RHOC: variants seen among roughly 807,000 people sequenced by gnomAD.
RHOC encodes the protein ras homolog family member C.
RHOC carries 13 observed loss-of-function variants against 19.5 expected under a neutral mutation model. That is an observed-to-expected ratio of 0.67 (90% CI 0.43 to 1.06). The LOEUF (loss-of-function observed/expected upper bound fraction) is 1.06, where lower values mean the gene tolerates loss of function less well. RHOC is among the 50% of genes least tolerant of loss of function. The probability of loss-of-function intolerance (pLI) is 0.00; values close to 1 mark genes in which losing one functional copy is unlikely to be tolerated. For missense variants in RHOC, 173 were observed against 256.9 expected, an observed-to-expected ratio of 0.67 and a Z score of 2.23; for synonymous variants, 106 against 97.3, an observed-to-expected ratio of 1.09 and a Z score of -0.52.
At chr1:112,703,460 G>T in intron 3 of RHOC, 184 bp downstream of exon 3, 1 of 737,220 alleles carries the variant, frequency 1.4e-6, no homozygotes, top group Non-Finnish European at 2.4e-6. Flanking sequence ...GAGCCAGTCT[G>T]TGGGAGAACC....
intron 1 of RHOC, among the ~76,000 whole-genome samples, chr1:112,706,487 CACACACACACACA>C (rs1674883149): frequency 2.0e-4 from 5 of 25,192 alleles, no homozygotes; most frequent in African/African-American, 4.5e-4. Context: ...CACACACACA[CACACACACACACA>C]CACACACACA....
At chr1:112,703,615 T>C in intron 3 of RHOC, 29 bp downstream of exon 3, 1 of 1,077,428 alleles carries the variant, frequency 9.3e-7, no homozygotes, top group Non-Finnish European at 1.3e-6. Context: ...GGTCTCAGGG[T>C]GGGGTGGGAA....
Position 112,703,055 on chromosome 1 carries a change from T to C in RHOC, c.221A>G (p.Tyr74Cys). ...CATGAGGATGACATCAGTGTCCGGGTAGGAGAGAGGCCGCAGTCGATCATA... is the reference window on the plus strand; with the variant it reads ...CATGAGGATGACATCAGTGTCCGGGCAGGAGAGAGGCCGCAGTCGATCATA... ...EDYDRLRPLS[Y>C]PDTDVILMCF... Residue 74 changes from tyrosine (Y) to cysteine (C), a missense_variant, in exon 4 of 6, where the codon TAC becomes TGC. Physicochemically the swap from Tyr to Cys is radical, Grantham distance 194 (BLOSUM62 -2). Coordinates refer to ENST00000339083, the MANE Select transcript of RHOC (RefSeq NM_175744.5). The C allele has an allele frequency of 6.2e-7, 1 of 1,614,074 alleles. No homozygotes were observed. The highest frequency in any genetic ancestry group is 8.5e-7 in the Non-Finnish European group (1 of 1,180,004).
intron 3 of RHOC, chr1:112,703,405 G>C (rs1022064100): frequency 7.0e-6 from 5 of 716,098 alleles, no homozygotes; most frequent in African/African-American, 5.2e-5. Flanking sequence ...TTTTGCAGGT[G>C]GGGGAGCTTA....
At chr1:112,706,764 C>T (rs1168533842) in intron 1 of RHOC, 1 of 152,096 alleles carries the variant, frequency 6.6e-6, no homozygotes, top group Non-Finnish European at 1.5e-5. Context: ...TTGAAGTTCC[C>T]TCGCCCCTCG....
chr1:112,706,433 A>ACACACACACACACACACACACACACACAC lies in RHOC; in HGVS notation c.-77+616_-77+644dup, dbSNP rs1557780417. On this transcript the variant is annotated intron_variant, in intron 1 of 5. Coordinates refer to ENST00000339083, the MANE Select transcript of RHOC (RefSeq NM_175744.5). ...TTTCTCTCTCTCTCTCTCTCTCTAC[A>ACACACACACACACACACACACACACACAC]CACACACACACACACACACACACAC... Among the ~76,000 whole-genome samples, 10 of 26,062 alleles carry ACACACACACACACACACACACACACACAC rather than the reference A, an allele frequency of 3.8e-4. 2 individuals carry two copies. The highest frequency in any genetic ancestry group is 1.3e-3 in the African/African-American group (10 of 7,440). The allele number at this position is 26,062 out of a possible 152,430, so 17.1% of individuals were successfully genotyped here. A position where few individuals can be genotyped will look rare whatever the true frequency, so the allele number is the denominator to read the frequency against.
rs749634907 is a variant in RHOC at position 112,701,468 on chromosome 1, G to C, written c.*72C>G. On this transcript the variant is annotated 3_prime_UTR_variant, in exon 6 of 6. Coordinates refer to ENST00000339083, the MANE Select transcript of RHOC (RefSeq NM_175744.5). ...GCCTTCAGCATGGAGCCCTCAGGAGGCTGGGGTTGTAGGGGGATAATTTCT... is the reference window on the plus strand; with the variant it reads ...GCCTTCAGCATGGAGCCCTCAGGAGCCTGGGGTTGTAGGGGGATAATTTCT... The C allele has an allele frequency of 1.2e-6, 2 of 1,613,806 alleles. No homozygotes were observed. Among genetic ancestry groups the C allele is most frequent in the East Asian group, 2.2e-5 (1 of 44,864 alleles).
chr1:112,705,050 C>T (rs1241816490), intron 2 of RHOC, 50 bp downstream of exon 2: 1 of 702,422 alleles, frequency 1.4e-6, no homozygotes, highest in Non-Finnish European at 2.6e-6. Flanking sequence ...CAGTTCATCA[C>T]ACCTTCGCAG....
chr1:112,701,518 T>C lies in RHOC; in HGVS notation c.*22A>G, dbSNP rs1174148638. 1.2e-6 allele frequency: 2 copies of C among 1,614,062 alleles called. No individual in the cohort carries two copies. The highest frequency in any genetic ancestry group is 1.7e-6 in the Non-Finnish European group (2 of 1,179,970). ...TGTACCCCTGTGAAGGGAGGGGGCA[T>C]GTAGGAAAGGCCTTGGGGATCTCAG... On this transcript the variant is annotated 3_prime_UTR_variant, in exon 6 of 6. Coordinates refer to ENST00000339083, the MANE Select transcript of RHOC (RefSeq NM_175744.5).
In RHOC at chr1:112,703,802, T is replaced by TG. The variant is rs868187294; in HGVS notation, c.-4dup. On this transcript the variant is annotated 5_prime_UTR_variant, in exon 3 of 6. Transcript: ENST00000339083. Reference sequence around the variant, plus strand: ...AGCTTCTTTCGGATTGCAGCCATGGTGGGGCTGCCAGGAAAGACGTATTGG... The same window carrying TG: ...AGCTTCTTTCGGATTGCAGCCATGGTGGGGGCTGCCAGGAAAGACGTATTGG... 14 of 1,609,350 alleles carry TG rather than the reference T, an allele frequency of 8.7e-6. No individual in the cohort carries two copies. Among genetic ancestry groups the TG allele is most frequent in the African/African-American group, 1.3e-5 (1 of 74,898 alleles).
intron 3 of RHOC, chr1:112,703,328 T>C: frequency 4.3e-6 from 3 of 704,352 alleles, no homozygotes; most frequent in Non-Finnish European, 7.5e-6. Flanking sequence ...GAGTTGCCAC[T>C]GTGAGCACCA....
At chr1:112,705,043 TTCA>T (rs1674791179) in intron 2 of RHOC, 54 bp downstream of exon 2, 3 of 701,800 alleles carry the variant, frequency 4.3e-6, no homozygotes, top group South Asian at 3.0e-5. Context: ...ATCTGCACAG[TTCA>T]TCACACCTTC....
chr1:112,703,728 G>A lies in RHOC; in HGVS notation c.72C>T (p.Val24=). The change falls in exon 3 of 6, where the codon GTC becomes GTT. Residue 24 remains valine, a synonymous_variant. Coordinates refer to ENST00000339083, the MANE Select transcript of RHOC (RefSeq NM_175744.5). ...GACGKTCLLI[V]FSKDQFPEVY... Reference sequence around the variant, plus strand: ...CCTCCGGAAACTGATCCTTGCTGAAGACGATGAGGAGGCAGGTCTTCCCAC... The same window carrying A: ...CCTCCGGAAACTGATCCTTGCTGAAAACGATGAGGAGGCAGGTCTTCCCAC... 6.2e-7 allele frequency: 1 copy of A among 1,613,318 alleles called. No individual in the cohort carries two copies. The highest frequency in any genetic ancestry group is 1.1e-5 in the South Asian group (1 of 90,648).
chr1:112,703,307 G>C, intron 3 of RHOC, 188 bp from the exon 4 acceptor site: 1 of 750,092 alleles, frequency 1.3e-6, no homozygotes, highest in South Asian at 1.6e-5. Context: ...TCTAAGACGT[G>C]TTTGACCCTT....
chr1:112,701,514 G>A lies in RHOC; in HGVS notation c.*26C>T, dbSNP rs776576925. 5.0e-6 allele frequency: 8 copies of A among 1,614,088 alleles called. No homozygotes were observed. The South Asian group carries it at 5.5e-5, about 11-fold the overall frequency. ...TTTCTGTACCCCTGTGAAGGGAGGG[G>A]GCATGTAGGAAAGGCCTTGGGGATC... is the stretch of plus-strand genomic sequence containing the variant. On this transcript the variant is annotated 3_prime_UTR_variant, in exon 6 of 6. Transcript: ENST00000339083.
In RHOC at chr1:112,701,577, C is replaced by G; in HGVS notation, c.545G>C (p.Arg182Pro). ...EMATRAGLQV[R>P]KNKRRRGCPI... ...ACAGCCCCTCCGACGCTTGTTCTTGCGGACCTGGAGGCCAGCCCGAGTGGC... is the reference window on the plus strand; with the variant it reads ...ACAGCCCCTCCGACGCTTGTTCTTGGGGACCTGGAGGCCAGCCCGAGTGGC... Residue 182 changes from arginine to proline, a missense_variant, in exon 6 of 6, where the codon CGC becomes CCC. Physicochemically the swap from Arg to Pro is moderately radical, Grantham distance 103. Transcript: ENST00000339083. 2 of 1,614,098 alleles carry G rather than the reference C, an allele frequency of 1.2e-6. No homozygotes were observed. The highest frequency in any genetic ancestry group is 1.7e-6 in the Non-Finnish European group (2 of 1,179,974).
In RHOC at chr1:112,703,047, T is replaced by C; in HGVS notation, c.229A>G (p.Thr77Ala). The change falls in exon 4 of 6, where the codon ACT (threonine) becomes GCT (alanine). Residue 77 changes from threonine to alanine, a missense_variant. Physicochemically the swap from Thr to Ala is moderately conservative, Grantham distance 58. Transcript: ENST00000339083. Reference sequence around the variant, plus strand: ...GAGAAGCACATGAGGATGACATCAGTGTCCGGGTAGGAGAGAGGCCGCAGT... The same window carrying C: ...GAGAAGCACATGAGGATGACATCAGCGTCCGGGTAGGAGAGAGGCCGCAGT... ...DRLRPLSYPD[T>A]DVILMCFSID... The C allele has an allele frequency of 6.2e-7, 1 of 1,614,178 alleles. No homozygotes were observed. Among genetic ancestry groups the C allele is most frequent in the Non-Finnish European group, 8.5e-7 (1 of 1,180,028 alleles).
intron 2 of RHOC, chr1:112,704,859 C>A: frequency 1.7e-6 from 1 of 572,462 alleles, no homozygotes; most frequent in Non-Finnish European, 3.1e-6. Context: ...TCTACCACAG[C>A]ACAGTGACTG....
In RHOC at chr1:112,701,192, G is replaced by A. The variant is rs1349008698; in HGVS notation, c.*348C>T. 1 of 568,986 alleles carries A rather than the reference G, an allele frequency of 1.8e-6. No individual in the cohort carries two copies. 35.2% of individuals were successfully genotyped at this position (568,986 alleles called of 1,614,324 possible). ...AAATGCAGTGAGAGACAAGGCCCCT[G>A]CCGAAAACAACTCCAGGGGCCTGGG... is the stretch of plus-strand genomic sequence containing the variant. On this transcript the variant is annotated 3_prime_UTR_variant, in exon 6 of 6. Transcript: ENST00000339083.
Sources: gnomAD v4.1 joint callset for allele counts (sites outside exome capture counted in the v4.1 genomes callset) on GRCh38, gnomAD v4.1.1 for gene constraint, MANE v1.5 for transcripts, NCBI Gene and HGNC (gene_info 2026-07-23, HGNC 2026-07-21) for gene names.